Variants in VAV3 observed in about 807,000 individuals in gnomAD.
The protein encoded by VAV3 is vav guanine nucleotide exchange factor 3, also known as guanine nucleotide exchange factor VAV3.
In VAV3, 94 loss-of-function variants were observed where a neutral mutation model predicts 131.2. The observed-to-expected ratio is 0.72, with a 90% confidence interval of 0.61 to 0.85. The LOEUF (loss-of-function observed/expected upper bound fraction) is 0.85. Among genes scored for constraint, VAV3 ranks in the 40% least tolerant of loss-of-function variants. The pLI, the probability that VAV3 is intolerant of heterozygous loss-of-function variation, is 0.00. For missense variants in VAV3, 939 were observed against 1,002.7 expected (o/e 0.94, Z 0.86); for synonymous variants, 349 against 342.0 (o/e 1.02, Z -0.22).
At chr1:107,941,440 A>AT in intron 1 of VAV3, among the ~76,000 whole-genome samples, 1 of 152,022 alleles carries the variant, frequency 6.6e-6, no homozygotes, top group East Asian at 1.9e-4. Flanking sequence ...TAGTCCTCTC[A>AT]TTTTTTCCAA....
chr1:107,841,291 G>C (rs571161254), intron 2 of VAV3, among the ~76,000 whole-genome samples: 26 of 152,016 alleles, frequency 1.7e-4, no homozygotes, highest in South Asian at 1.0e-3. Context: ...TAGGGGAAAG[G>C]GGGGGGTAGA....
At chr1:107,908,815 ACTC>A (rs1672225645) in intron 1 of VAV3, among the ~76,000 whole-genome samples, 1 of 96,894 alleles carries the variant, frequency 1.0e-5, no homozygotes, top group Non-Finnish European at 2.0e-5. Context: ...CCCCCGCCCC[ACTC>A]AAACACACAC....
At chr1:107,883,073 A>C (rs1439757809) in intron 1 of VAV3, among the ~76,000 whole-genome samples, 1 of 152,204 alleles carries the variant, frequency 6.6e-6, no homozygotes, top group African/African-American at 2.4e-5. Flanking sequence ...ACTCATTTCT[A>C]ATGGGTAATT....
chr1:107,659,750 G>A (rs967983979), intron 19 of VAV3, among the ~76,000 whole-genome samples: 4 of 152,020 alleles, frequency 2.6e-5, no homozygotes, highest in East Asian at 1.9e-4. Flanking sequence ...GCTGTTACCC[G>A]CACTTGGTTT....
At chr1:107,799,463 AAAG>A (rs989345443) in intron 2 of VAV3, among the ~76,000 whole-genome samples, 4 of 152,172 alleles carry the variant, frequency 2.6e-5, no homozygotes, top group African/African-American at 9.6e-5. Context: ...CCAAGTCAAA[AAAG>A]AAGGTGGGTG....
intron 20 of VAV3, among the ~76,000 whole-genome samples, chr1:107,619,585 A>G (rs1653416123): frequency 6.6e-6 from 1 of 152,214 alleles, no homozygotes; most frequent in Non-Finnish European, 1.5e-5. Context: ...AGAGAAAAGA[A>G]TAAGAATGCT....
rs1378444142 is a variant in VAV3 at position 107,808,285 on chromosome 1, A to G, written c.322-28793T>C. On this transcript the variant is annotated intron_variant, in intron 2 of 26. Transcript: ENST00000370056. ...AACACAGAAATGACAAATATGAATG[A>G]AGTGAACATGACAGGCCTAAGAAGA... Among the ~76,000 whole-genome samples, 6 of 152,182 alleles carry G rather than the reference A, an allele frequency of 3.9e-5. No individual in the cohort carries two copies. In the East Asian group the frequency reaches 1.2e-3, roughly 29 times the overall value.
chr1:107,693,246 A>C (rs181705578), intron 17 of VAV3, among the ~76,000 whole-genome samples: 1 of 152,306 alleles, frequency 6.6e-6, no homozygotes, highest in Non-Finnish European at 1.5e-5. Context: ...TTCAGGGAAA[A>C]GGAGAGTGGA....
intron 1 of VAV3, among the ~76,000 whole-genome samples, chr1:107,911,152 T>C (rs1233311999): frequency 6.6e-6 from 1 of 152,242 alleles, no homozygotes; most frequent in Non-Finnish European, 1.5e-5. Flanking sequence ...TTAGAAATTT[T>C]AAACAGTTAT....
At chr1:107,824,474 G>C (rs1667930434) in intron 2 of VAV3, among the ~76,000 whole-genome samples, 1 of 152,100 alleles carries the variant, frequency 6.6e-6, no homozygotes, top group African/African-American at 2.4e-5. Flanking sequence ...AATGTACAAG[G>C]TATTCTGCTC....
intron 20 of VAV3, among the ~76,000 whole-genome samples, chr1:107,628,658 A>T (rs374954831): frequency 6.6e-6 from 1 of 152,348 alleles, no homozygotes; most frequent in African/African-American, 2.4e-5. Flanking sequence ...AAAAATAACA[A>T]AACTGCCTTT....
intron 1 of VAV3, among the ~76,000 whole-genome samples, chr1:107,925,137 G>A (rs1673088116): frequency 6.6e-6 from 1 of 152,080 alleles, no homozygotes; most frequent in African/African-American, 2.4e-5. Context: ...CATTATGTGT[G>A]ATTCTATTTA....
intron 25 of VAV3, chr1:107,576,583 T>C: frequency 2.1e-6 from 2 of 965,278 alleles, no homozygotes; most frequent in East Asian, 5.7e-5. Flanking sequence ...CATTTCTAAA[T>C]GAAGAACAAG....
intron 10 of VAV3, among the ~76,000 whole-genome samples, chr1:107,760,045 A>G (rs535319111): frequency 3.2e-4 from 49 of 152,308 alleles, no homozygotes; most frequent in South Asian, 1.0e-3. Flanking sequence ...GATGACTAAT[A>G]ATTTTGCAGC....
intron 20 of VAV3, among the ~76,000 whole-genome samples, chr1:107,641,208 CG>C (rs1655313189): frequency 6.6e-6 from 1 of 152,080 alleles, no homozygotes; most frequent in African/African-American, 2.4e-5. Flanking sequence ...TAGAGACAAA[CG>C]TTCAATCTTT....
At position 107,759,034 on chromosome 1, in the gene VAV3, C is replaced by T. The variant is rs921251240; in HGVS notation, c.1018-1705G>A. ...GCCTCTACTCAGGTCCCCAGCTTCC[C>T]TATACATAATTATTTAGGCCTTTAA... On this transcript the variant is annotated intron_variant, in intron 10 of 26. Transcript: ENST00000370056. Among the ~76,000 whole-genome samples the T allele has an allele frequency of 6.6e-5, 10 of 152,290 alleles. No homozygotes were observed. In the East Asian group the frequency reaches 1.9e-3, roughly 29 times the overall value.
At chr1:107,585,564 T>C (rs1054682102) in intron 25 of VAV3, among the ~76,000 whole-genome samples, 4 of 152,170 alleles carry the variant, frequency 2.6e-5, no homozygotes, top group African/African-American at 4.8e-5. Context: ...CCTTCTGCTC[T>C]GGCCACATTG....
rs1651997123 is a variant in VAV3, at chr1:107,603,143, C to G, written c.2036G>C (p.Arg679Thr). The change falls in exon 23 of 27, where the codon AGA becomes ACA. Residue 679 changes from arginine to threonine, a missense_variant. Physicochemically the swap from Arg to Thr is moderately conservative, Grantham distance 71 (BLOSUM62 -1). Transcript: ENST00000370056. ...AATAAGTTCGGTCTCTGCTTGCAAT[C>G]TTTCCATTGCTCCAGCATACCTGTA... ...CQPWYAGAMERLQAETELINR... is the reference protein window; with the variant it reads ...CQPWYAGAMETLQAETELINR... 1 of 1,613,254 alleles carries G rather than the reference C, an allele frequency of 6.2e-7. No homozygotes were observed. Among genetic ancestry groups the G allele is most frequent in the African/African-American group, 1.3e-5 (1 of 75,008 alleles).
chr1:107,941,446 T>C (rs1463727033), intron 1 of VAV3, among the ~76,000 whole-genome samples: 3 of 152,200 alleles, frequency 2.0e-5, no homozygotes, highest in Non-Finnish European at 4.4e-5. Context: ...TCTCATTTTT[T>C]CCAAGTGAAC....
Sources: gnomAD v4.1 joint callset for allele counts (sites outside exome capture counted in the v4.1 genomes callset) on GRCh38, gnomAD v4.1.1 for gene constraint, MANE v1.5 for transcripts, NCBI Gene and HGNC (gene_info 2026-07-23, HGNC 2026-07-21) for gene names.